Variants in KDM2B observed in about 807,000 individuals in gnomAD.
The protein encoded by KDM2B is lysine-specific demethylase 2B.
KDM2B carries 26 observed loss-of-function variants against 150.0 expected under a neutral mutation model. The observed-to-expected ratio is 0.17, with a 90% CI of 0.13 to 0.24. The LOEUF (loss-of-function observed/expected upper bound fraction) is 0.24. KDM2B is among the 10% of genes least tolerant of loss of function. The pLI is 1.00. For synonymous variants in KDM2B, 734 were observed against 729.5 expected (o/e 1.01, Z -0.10); for missense variants, 1,265 against 1,816.9 (o/e 0.70, Z 5.52).
At position 121,544,114 on chromosome 12, in the gene KDM2B, CAAAAA is replaced by C. The variant is rs57873693; in HGVS notation, c.683+4758_683+4762del. 1.2e-3 allele frequency among the ~76,000 whole-genome samples: 50 copies of C among 42,916 alleles called. No homozygotes were observed. In the East Asian group the frequency reaches 0.032, roughly 27 times the overall value. The allele number at this position is 42,916 out of a possible 152,430, so 28.2% of individuals were successfully genotyped here. ...TGGGCAACAGAGAGAGACCCTGCCT[CAAAAA>C]AAAAAAAAAAAAAAAAAAGCCAGGT... On this transcript the variant is annotated intron_variant, in intron 6 of 22. Transcript: ENST00000377071.
Position 121,534,568 on chromosome 12 carries a change from C to T in KDM2B, c.706G>A (p.Gly236Ser). ...VKKYCLMSVK[G>S]CFTDFHIDFG... ...TCGATGTGGAAGTCGGTGAAACAAC[C>T]TTTCACGCTCATCAGACAGTACCTG... The change falls in exon 7 of 23, where the codon GGT becomes AGT. Residue 236 changes from glycine to serine, a missense_variant. Physicochemically the swap from Gly to Ser is moderately conservative, Grantham distance 56. This residue lies in a region of KDM2B where 214 missense variants were observed against 447.4 expected (regional missense o/e 0.48). Coordinates refer to ENST00000377071, the MANE Select transcript of KDM2B (RefSeq NM_032590.5). 6.2e-7 allele frequency: 1 copy of T among 1,613,970 alleles called. No individual in the cohort carries two copies. Among genetic ancestry groups the T allele is most frequent in the Non-Finnish European group, 8.5e-7 (1 of 1,179,868 alleles).
chr12:121,574,535 C>A lies in KDM2B; in HGVS notation c.397+12G>T, dbSNP rs1555316558. On this transcript the variant is annotated intron_variant, in intron 4 of 22. Coordinates refer to ENST00000377071, the MANE Select transcript of KDM2B (RefSeq NM_032590.5). ...CAGCATGTCTGAGCCACACACACGGCAAGCGACTTACCCACTAGGAGTTTG... is the reference window on the plus strand; with the variant it reads ...CAGCATGTCTGAGCCACACACACGGAAAGCGACTTACCCACTAGGAGTTTG... 6.2e-7 allele frequency: 1 copy of A among 1,613,622 alleles called. No homozygotes were observed. Among genetic ancestry groups the A allele is most frequent in the Non-Finnish European group, 8.5e-7 (1 of 1,179,716 alleles).
intron 11 of KDM2B, among the ~76,000 whole-genome samples, chr12:121,505,854 TG>T (rs1485358372): frequency 1.3e-5 from 2 of 152,166 alleles, no homozygotes; most frequent in African/African-American, 4.8e-5. Context: ...ATTCCTGAGC[TG>T]TTTTTTATTT....
intron 12 of KDM2B, among the ~76,000 whole-genome samples, chr12:121,462,274 A>T (rs1053970631): frequency 1.3e-5 from 2 of 151,970 alleles, no homozygotes; most frequent in Admixed American, 6.6e-5. Context: ...CCCTTAACAC[A>T]CGCCTGTAGA....
chr12:121,540,556 C>T (rs1888525943), intron 6 of KDM2B, among the ~76,000 whole-genome samples: 1 of 151,558 alleles, frequency 6.6e-6, no homozygotes. Flanking sequence ...CAAGACCAGC[C>T]TGGCCAACAT....
chr12:121,471,198 G>A (rs1023844272), intron 12 of KDM2B, among the ~76,000 whole-genome samples: 5 of 152,036 alleles, frequency 3.3e-5, no homozygotes, highest in East Asian at 3.9e-4. Context: ...CCCTCCCTCC[G>A]TCTGACCTCA....
At chr12:121,487,896 G>A (rs782180338) in intron 12 of KDM2B, among the ~76,000 whole-genome samples, 35 of 151,086 alleles carry the variant, frequency 2.3e-4, no homozygotes, top group Non-Finnish European at 4.7e-4. Context: ...ATTGTACTGC[G>A]TCAGCCTCCT....
rs908598095 is a variant in KDM2B at position 121,482,338 on chromosome 12, T to C, written c.1734+12241A>G. On this transcript the variant is annotated intron_variant, in intron 12 of 22. Transcript: ENST00000377071. The stretch of plus-strand genomic sequence containing the variant: ...TTGTGTTGTTTTGAGACAGTCTTGC[T>C]CTATCACCAGGCTGGATCGCCAGGA... 5.3e-5 allele frequency among the ~76,000 whole-genome samples: 8 copies of C among 152,278 alleles called. No homozygotes were observed. In the East Asian group the frequency reaches 9.6e-4, roughly 18 times the overall value.
chr12:121,529,100 T>C (rs1301472186), intron 8 of KDM2B, among the ~76,000 whole-genome samples: 1 of 152,156 alleles, frequency 6.6e-6, no homozygotes, highest in Non-Finnish European at 1.5e-5. Context: ...AAAATACTAG[T>C]AACTAAATCC....
chr12:121,474,391 C>T (rs1881115966), intron 12 of KDM2B, among the ~76,000 whole-genome samples: 1 of 152,112 alleles, frequency 6.6e-6, no homozygotes, highest in Admixed American at 6.6e-5. Flanking sequence ...TAGCGGGTGC[C>T]TGTAGTCCCA....
intron 4 of KDM2B, among the ~76,000 whole-genome samples, chr12:121,558,096 C>T (rs1281231588): frequency 6.6e-6 from 1 of 152,248 alleles, no homozygotes; most frequent in Non-Finnish European, 1.5e-5. Flanking sequence ...TTCCACCCTG[C>T]TGCTCTGTGA....
Position 121,429,322 on chromosome 12 carries a change from T to C in KDM2B, c.*966A>G, listed in dbSNP as rs1405580591. ...GAAATAGCCATGTTACAAACCTAAA[T>C]GAGAACTCAACTCACACTTCAGAGG... On this transcript the variant is annotated 3_prime_UTR_variant, in exon 23 of 23. Transcript: ENST00000377071. 1.3e-5 allele frequency: 2 copies of C among 152,570 alleles called. No homozygotes were observed. Among genetic ancestry groups the C allele is most frequent in the African/African-American group, 4.8e-5 (2 of 41,414 alleles). 9.5% of individuals were successfully genotyped at this position (152,570 alleles called of 1,614,324 possible). A position where few individuals can be genotyped will look rare whatever the true frequency, so the allele number is the denominator to read the frequency against.
Position 121,443,729 on chromosome 12 carries a change from C to T in KDM2B, c.2516G>A (p.Ser839Asn). ...SHLSPRPPLG[S>N]SLSPWWRSSL... ...GGATCTCCACCAGGGGCTGAGGCTG[C>T]TGCCTAGAGGGGGCCTCGGCGAGAG... The change falls in exon 17 of 23, where the codon AGC becomes AAC. Residue 839 changes from serine to asparagine, a missense_variant. Physicochemically the swap from Ser to Asn is conservative, Grantham distance 46 (BLOSUM62 1). Around this residue, in one of 11 missense-constraint regions of KDM2B, gnomAD observed 418 missense variants for 402.4 expected, o/e 1.04. Transcript: ENST00000377071. 1 of 1,611,896 alleles carries T rather than the reference C, an allele frequency of 6.2e-7. No individual in the cohort carries two copies.
At chr12:121,580,492 C>T in intron 1 of KDM2B, 2 of 1,184,188 alleles carry the variant, frequency 1.7e-6, no homozygotes, top group Non-Finnish European at 2.1e-6. Flanking sequence ...CAGGCGCCGC[C>T]GCCGCCCGGG....
chr12:121,434,486 G>A (rs1420712052), intron 22 of KDM2B, among the ~76,000 whole-genome samples: 2 of 135,424 alleles, frequency 1.5e-5, no homozygotes, highest in Non-Finnish European at 3.1e-5. Flanking sequence ...GGGCAACAGA[G>A]CGAGACTCTC....
rs371627592 is a variant in KDM2B at position 121,526,946 on chromosome 12, C to T, written c.932-5846G>A. 2.6e-5 allele frequency among the ~76,000 whole-genome samples: 4 copies of T among 152,116 alleles called. No individual in the cohort carries two copies. In the South Asian group the frequency reaches 8.3e-4, roughly 32 times the overall value. ...ACTCAGGAGGCTGAGGCAGGAGAAT[C>T]ACTTGAACCCAGGAGGCGGAGGTTG... is the stretch of plus-strand genomic sequence containing the variant. On this transcript the variant is annotated intron_variant, in intron 8 of 22. Coordinates refer to ENST00000377071, the MANE Select transcript of KDM2B (RefSeq NM_032590.5).
intron 12 of KDM2B, among the ~76,000 whole-genome samples, chr12:121,464,569 C>T (rs1230523322): frequency 1.2e-4 from 18 of 152,214 alleles, no homozygotes; most frequent in Admixed American, 1.1e-3. Flanking sequence ...TACACAGGCT[C>T]GGAAGGTGGA....
chr12:121,557,516 A>G (rs1889995086), intron 4 of KDM2B, among the ~76,000 whole-genome samples: 1 of 152,172 alleles, frequency 6.6e-6, no homozygotes, highest in Non-Finnish European at 1.5e-5. Context: ...CTGGGATTAC[A>G]GGCGTGAGCC....
intron 22 of KDM2B, among the ~76,000 whole-genome samples, chr12:121,433,413 T>TCTC (rs782491344): frequency 3.9e-4 from 60 of 152,184 alleles, no homozygotes; most frequent in Non-Finnish European, 5.7e-4. Context: ...AGATCTGGAA[T>TCTC]CTCACTACTT....
Sources: allele counts gnomAD v4.1 joint callset (sites outside exome capture counted in the v4.1 genomes callset), GRCh38; gene constraint gnomAD v4.1.1; regional missense constraint gnomAD v4.1.1; transcripts MANE v1.5; gene names NCBI Gene and HGNC (gene_info 2026-07-23, HGNC 2026-07-21).